OTUD7A: variants seen among roughly 807,000 people sequenced by gnomAD.
OTUD7A encodes the protein OTU domain-containing protein 7A.
Under a neutral mutation model 65.7 loss-of-function variants are expected in OTUD7A, and 12 were observed. The observed-to-expected ratio is 0.18, with a 90% CI of 0.12 to 0.30. The LOEUF (loss-of-function observed/expected upper bound fraction) is 0.30. Ranked by LOEUF, OTUD7A falls within the 10% of genes least tolerant of loss-of-function variation. OTUD7A has a pLI of 1.00. For synonymous variants in OTUD7A, 641 were observed against 586.3 expected (o/e 1.09, Z -1.35); for missense variants, 1,148 against 1,304.8 (o/e 0.88, Z 1.85).
At chr15:31,528,807 CTGG>C (rs1247112980) in intron 6 of OTUD7A, among the ~76,000 whole-genome samples, 1 of 152,252 alleles carries the variant, frequency 6.6e-6, no homozygotes, top group Non-Finnish European at 1.5e-5. Context: ...ACAAGGACTG[CTGG>C]TGAATGTCAT....
chr15:31,669,897 T>C (rs1218600416), intron 1 of OTUD7A, among the ~76,000 whole-genome samples: 1 of 150,300 alleles, frequency 6.7e-6, no homozygotes, highest in African/African-American at 2.5e-5. Context: ...CGGAAACTTC[T>C]CCTGCAAACA....
intron 5 of OTUD7A, among the ~76,000 whole-genome samples, chr15:31,550,566 C>G (rs1888288947): frequency 6.6e-6 from 1 of 152,166 alleles, no homozygotes; most frequent in Non-Finnish European, 1.5e-5. Flanking sequence ...CCGCAGGGAA[C>G]TTATGGATCT....
At chr15:31,656,373 C>T (rs137995361) in intron 2 of OTUD7A, among the ~76,000 whole-genome samples, 3,131 of 152,254 alleles carry the variant, frequency 0.021, 130 homozygotes, top group African/African-American at 0.071. Context: ...GGTCTGCCAC[C>T]CATTTTTGTA....
At chr15:31,618,450 G>A (rs1211642428) in intron 3 of OTUD7A, among the ~76,000 whole-genome samples, 1 of 152,120 alleles carries the variant, frequency 6.6e-6, no homozygotes, top group African/African-American at 2.4e-5. Context: ...GTTGTTTCCT[G>A]ACTTTTTAAT....
chr15:31,767,592 G>C lies in OTUD7A; in HGVS notation c.-100+102915C>G, dbSNP rs898018054. ...TGTTTTGGATTTATGACTTCTTCTA[G>C]GGATGGCACACCTAAAATAGTTTGC... On this transcript the variant is annotated intron_variant, in intron 1 of 12. Transcript: ENST00000307050. 1.6e-5 allele frequency: 13 copies of C among 812,342 alleles called. No homozygotes were observed. In the African/African-American group the frequency reaches 2.2e-4, roughly 14 times the overall value. 50.3% of individuals were successfully genotyped at this position (812,342 alleles called of 1,614,324 possible). A position where few individuals can be genotyped will look rare whatever the true frequency, so the allele number is the denominator to read the frequency against.
intron 1 of OTUD7A, among the ~76,000 whole-genome samples, chr15:31,831,305 A>G (rs2140983575): frequency 6.6e-6 from 1 of 152,362 alleles, no homozygotes; most frequent in Admixed American, 6.5e-5. Flanking sequence ...GACTTCGTAA[A>G]AATTTTAAAA....
At chr15:31,797,264 C>T (rs767373515) in intron 1 of OTUD7A, among the ~76,000 whole-genome samples, 13 of 152,304 alleles carry the variant, frequency 8.5e-5, no homozygotes, top group Non-Finnish European at 1.6e-4. Flanking sequence ...TGTTTTCTCG[C>T]TTAGGATGGC....
chr15:31,830,246 A>G (rs563321112), intron 1 of OTUD7A, among the ~76,000 whole-genome samples: 1 of 152,222 alleles, frequency 6.6e-6, no homozygotes, highest in Non-Finnish European at 1.5e-5. Flanking sequence ...CTGTTCATCA[A>G]TGCCAAATCA....
At chr15:31,559,503 CACAT>C (rs1203157150) in intron 4 of OTUD7A, among the ~76,000 whole-genome samples, 2 of 152,156 alleles carry the variant, frequency 1.3e-5, no homozygotes, top group Non-Finnish European at 2.9e-5. Context: ...CACATGCACA[CACAT>C]AAATGCTCAC....
At chr15:31,583,090 G>A (rs776507745) in intron 3 of OTUD7A, among the ~76,000 whole-genome samples, 27 of 152,346 alleles carry the variant, frequency 1.8e-4, no homozygotes, top group Admixed American at 8.5e-4. Context: ...AAGCAACAGC[G>A]TCCTTGCCTG....
intron 1 of OTUD7A, among the ~76,000 whole-genome samples, chr15:31,748,033 G>T (rs529296624): frequency 4.3e-4 from 65 of 152,264 alleles, no homozygotes; most frequent in East Asian, 2.7e-3. Flanking sequence ...CAGATTAAAA[G>T]AGACTAAGAA....
Position 31,484,124 on chromosome 15 carries a change from C to T in OTUD7A, c.1972G>A (p.Glu658Lys), listed in dbSNP as rs1198949919. Residue 658 changes from glutamate (E) to lysine (K), a missense_variant, in exon 13 of 13, where the codon GAG becomes AAG. Transcript: ENST00000307050. The surrounding 1 kb of genome is among the most constrained non-coding windows in gnomAD (Gnocchi z 4.5). ...GTCAGGTAGTAGCCGATCATCTCCT[C>T]GTGGAACTGGTGCCGGTGGCTGGTG... The part of the protein sequence containing the change: ...LLTSHRHQFH[E>K]EMIGYYLTSA... The T allele has an allele frequency of 6.2e-7, 1 of 1,608,366 alleles. No homozygotes were observed. The highest frequency in any genetic ancestry group is 8.5e-7 in the Non-Finnish European group (1 of 1,179,500).
intron 5 of OTUD7A, among the ~76,000 whole-genome samples, chr15:31,554,366 T>C (rs2141151370): frequency 6.6e-6 from 1 of 152,262 alleles, no homozygotes; most frequent in South Asian, 2.1e-4. Context: ...ACTGGGTCAA[T>C]CTGTCTCCAT....
chr15:31,829,154 C>T (rs777331273), intron 1 of OTUD7A, among the ~76,000 whole-genome samples: 9 of 152,178 alleles, frequency 5.9e-5, no homozygotes, highest in South Asian at 2.1e-4. Flanking sequence ...GTAGCGGAAG[C>T]GCCCACAGGT....
Position 31,614,353 on chromosome 15 carries a change from T to C in OTUD7A, c.151+40743A>G, listed in dbSNP as rs542815924. Among the ~76,000 whole-genome samples, 16 of 151,840 alleles carry C rather than the reference T, an allele frequency of 1.1e-4. 1 individual carries two copies. Among genetic ancestry groups the C allele is most frequent in the Middle Eastern group, 6.8e-3 (2 of 294 alleles). On this transcript the variant is annotated intron_variant, in intron 3 of 12. Coordinates refer to ENST00000307050, the MANE Select transcript of OTUD7A (RefSeq NM_001382637.1). The stretch of plus-strand genomic sequence containing the variant: ...AATTTTCTAAAATTAGTGAAAGATA[T>C]CAAGCCACAGATCCAGAAGTGGTAT...
At chr15:31,769,355 C>A (rs1423513798) in intron 1 of OTUD7A, among the ~76,000 whole-genome samples, 1 of 152,206 alleles carries the variant, frequency 6.6e-6, no homozygotes, top group Non-Finnish European at 1.5e-5. Context: ...CACCTAACAA[C>A]AGAGCTTCAA....
chr15:31,557,185 C>T (rs943357061), intron 5 of OTUD7A: 3 of 152,270 alleles, frequency 2.0e-5, no homozygotes, highest in African/African-American at 7.2e-5. Context: ...CCCCACTAGG[C>T]ACATCTCGTC....
intron 8 of OTUD7A, among the ~76,000 whole-genome samples, chr15:31,504,250 T>G (rs1483120384): frequency 6.6e-6 from 1 of 152,064 alleles, no homozygotes; most frequent in Non-Finnish European, 1.5e-5. Context: ...GCACATCTGA[T>G]GGGCTGGTGG....
At chr15:31,640,645 G>T (rs1891484192) in intron 3 of OTUD7A, among the ~76,000 whole-genome samples, 1 of 152,038 alleles carries the variant, frequency 6.6e-6, no homozygotes, top group Non-Finnish European at 1.5e-5. Context: ...AAGACCAGTT[G>T]TCCACATATG....
Sources: allele counts gnomAD v4.1 joint callset (sites outside exome capture counted in the v4.1 genomes callset), GRCh38; gene constraint gnomAD v4.1.1; non-coding constraint Gnocchi (gnomAD v3.1); transcripts MANE v1.5; gene names NCBI Gene and HGNC (gene_info 2026-07-23, HGNC 2026-07-21).